The following ZNF385D variants were observed in gnomAD, a reference collection of about 807,000 sequenced individuals.
ZNF385D encodes the protein zinc finger protein 385D, also known as zinc finger protein 659.
In ZNF385D, 15 loss-of-function variants were observed where a neutral mutation model predicts 35.8. The observed-to-expected ratio is 0.42, with a 90% CI of 0.28 to 0.64. The LOEUF (loss-of-function observed/expected upper bound fraction) is 0.64, where lower values mean the gene tolerates loss of function less well. Among genes scored for constraint, ZNF385D ranks in the 30% least tolerant of loss-of-function variants. The pLI is 0.23. For synonymous variants in ZNF385D, 212 were observed against 186.8 expected, an observed-to-expected ratio of 1.13 and a Z score of -1.10; for missense variants, 474 against 494.6, an observed-to-expected ratio of 0.96 and a Z score of 0.39.
intron 3 of ZNF385D, among the ~76,000 whole-genome samples, chr3:21,856,030 CTGTG>C (rs1183506782): frequency 1.3e-5 from 2 of 151,874 alleles, no homozygotes; most frequent in Non-Finnish European, 2.9e-5. Flanking sequence ...ATGTGTGTGT[CTGTG>C]TGTGTAACTT....
intron 3 of ZNF385D, among the ~76,000 whole-genome samples, chr3:21,910,894 A>T (rs1287733302): frequency 1.3e-5 from 2 of 151,920 alleles, no homozygotes; most frequent in Admixed American, 6.6e-5. Context: ...GAATTTTATT[A>T]TGTTTGATAA....
chr3:22,070,253 T>C (rs772576366), intron 3 of ZNF385D, among the ~76,000 whole-genome samples: 1 of 152,142 alleles, frequency 6.6e-6, no homozygotes, highest in Non-Finnish European at 1.5e-5. Context: ...GATAAAGAAA[T>C]AGGTCCACTT....
intron 3 of ZNF385D, among the ~76,000 whole-genome samples, chr3:22,131,710 G>A (rs1703804804): frequency 1.3e-5 from 2 of 152,146 alleles, no homozygotes; most frequent in South Asian, 4.1e-4. Flanking sequence ...AGGCAGCTAG[G>A]GAGATATCAC....
chr3:21,656,902 A>T (rs2054942), intron 2 of ZNF385D, among the ~76,000 whole-genome samples: 5 of 151,560 alleles, frequency 3.3e-5, no homozygotes, highest in Admixed American at 1.3e-4. Flanking sequence ...TCACAAAATG[A>T]GGTGTAAGCT....
intron 2 of ZNF385D, among the ~76,000 whole-genome samples, chr3:22,314,987 G>T (rs1051335514): frequency 2.0e-5 from 3 of 152,114 alleles, no homozygotes; most frequent in Admixed American, 6.6e-5. Context: ...TCACATGTAG[G>T]TCTTGAAGAA....
At chr3:22,190,671 A>G (rs1453245686) in intron 2 of ZNF385D, among the ~76,000 whole-genome samples, 1 of 152,152 alleles carries the variant, frequency 6.6e-6, no homozygotes, top group East Asian at 1.9e-4. Context: ...CAACATACAA[A>G]ACTGTCCCCT....
At chr3:22,037,137 G>C (rs555869490) in intron 3 of ZNF385D, among the ~76,000 whole-genome samples, 3 of 152,080 alleles carry the variant, frequency 2.0e-5, no homozygotes, top group African/African-American at 2.4e-5. Flanking sequence ...TTGGTTCCAA[G>C]TCTTTGCTAT....
intron 2 of ZNF385D, among the ~76,000 whole-genome samples, chr3:22,217,580 A>G (rs1186473330): frequency 2.0e-5 from 3 of 152,182 alleles, no homozygotes; most frequent in Non-Finnish European, 4.4e-5. Context: ...ATGGGATATA[A>G]TTGAATCTGT....
chr3:21,508,994 T>G (rs1341182262), intron 4 of ZNF385D, among the ~76,000 whole-genome samples: 1 of 151,674 alleles, frequency 6.6e-6, no homozygotes, highest in Non-Finnish European at 1.5e-5. Flanking sequence ...TTTTTCTTTT[T>G]TGAGATGGAG....
chr3:22,172,280 G>C (rs1005344668), intron 2 of ZNF385D, among the ~76,000 whole-genome samples: 3 of 152,178 alleles, frequency 2.0e-5, no homozygotes, highest in Non-Finnish European at 4.4e-5. Flanking sequence ...GTGTTTGTTT[G>C]TGTGAGTGTG....
At chr3:22,086,875 T>C (rs142038795) in intron 3 of ZNF385D, among the ~76,000 whole-genome samples, 3,346 of 152,064 alleles carry the variant, frequency 0.022, 140 homozygotes, top group African/African-American at 0.076. Context: ...TAGGTGGGAA[T>C]TGAACAATGA....
At chr3:21,565,366 T>C (rs1421977085) in intron 2 of ZNF385D, among the ~76,000 whole-genome samples, 1 of 152,060 alleles carries the variant, frequency 6.6e-6, no homozygotes, top group African/African-American at 2.4e-5. Flanking sequence ...ATGTCAGCAA[T>C]CCAGCTCTGA....
chr3:21,608,246 T>C (rs1233260481), intron 2 of ZNF385D, among the ~76,000 whole-genome samples: 1 of 152,064 alleles, frequency 6.6e-6, no homozygotes, highest in Non-Finnish European at 1.5e-5. Flanking sequence ...CCTGACCTCA[T>C]GATCCGCCCA....
chr3:21,727,377 G>T (rs189573798), intron 1 of ZNF385D, among the ~76,000 whole-genome samples: 3 of 151,984 alleles, frequency 2.0e-5, no homozygotes, highest in Non-Finnish European at 2.9e-5. Context: ...ATCATCAGAG[G>T]GAACAGGCAA....
rs534227558 is a variant in ZNF385D, at chr3:22,136,207, A to G, written c.325+32610T>C. On this transcript the variant is annotated intron_variant, in intron 3 of 5. Coordinates refer to the ZNF385D transcript ENST00000494108. ...GAGACCAGCCTGGGAAACATGGTGA[A>G]ACCTCATCTCTACTAAAAATTAAAA... Among the ~76,000 whole-genome samples, 4 of 152,294 alleles carry G rather than the reference A, an allele frequency of 2.6e-5. No individual in the cohort carries two copies. In the South Asian group the frequency reaches 8.3e-4, roughly 32 times the overall value.
At chr3:21,611,303 T>G (rs13061009) in intron 2 of ZNF385D, among the ~76,000 whole-genome samples, 28,944 of 151,968 alleles carry the variant, frequency 0.19, 3,386 homozygotes, top group South Asian at 0.27. Flanking sequence ...ATTTTGCAGA[T>G]GAGGAGGCTG....
chr3:22,118,881 T>G (rs1416803692), intron 3 of ZNF385D, among the ~76,000 whole-genome samples: 2 of 152,178 alleles, frequency 1.3e-5, no homozygotes, highest in Non-Finnish European at 2.9e-5. Context: ...CATTACTGCT[T>G]TGTAGATAAA....
chr3:22,312,287 C>A (rs1014317992), intron 2 of ZNF385D, among the ~76,000 whole-genome samples: 1 of 152,134 alleles, frequency 6.6e-6, no homozygotes, highest in Non-Finnish European at 1.5e-5. Context: ...ATTAAGTCAA[C>A]TTTCATAAGC....
chr3:21,569,654 G>T (rs1041249275), intron 2 of ZNF385D, among the ~76,000 whole-genome samples: 2 of 151,016 alleles, frequency 1.3e-5, no homozygotes, highest in Non-Finnish European at 2.9e-5. Flanking sequence ...TTTCTTCCTC[G>T]TCTCGATGGT....
Sources: gnomAD v4.1 joint callset for allele counts (sites outside exome capture counted in the v4.1 genomes callset) on GRCh38, gnomAD v4.1.1 for gene constraint, MANE v1.5 for transcripts, NCBI Gene and HGNC (gene_info 2026-07-23, HGNC 2026-07-21) for gene names.